TNRC6B: variants seen among roughly 807,000 people sequenced by gnomAD.
TNRC6B encodes the protein trinucleotide repeat containing adaptor 6B.
In TNRC6B, 52 loss-of-function variants were observed where a neutral mutation model predicts 203.6. That is an observed-to-expected ratio of 0.26 (90% confidence interval 0.20 to 0.32). The LOEUF (loss-of-function observed/expected upper bound fraction) is 0.32. Among genes scored for constraint, TNRC6B ranks in the 10% least tolerant of loss-of-function variants. TNRC6B has a pLI of 1.00. For missense variants in TNRC6B, 1,923 were observed against 2,286.2 expected (o/e 0.84, Z 3.24); for synonymous variants, 838 against 845.7 (o/e 0.99, Z 0.16).
chr22:40,120,949 A>G (rs2068438720), intron 2 of TNRC6B, among the ~76,000 whole-genome samples: 1 of 152,190 alleles, frequency 6.6e-6, no homozygotes, highest in Non-Finnish European at 1.5e-5. Context: ...CCCAAGGGAA[A>G]AGGGAGAGAA....
chr22:40,308,496 G>C lies in TNRC6B; in HGVS notation c.4121-16G>C. On this transcript the variant is annotated splice_polypyrimidine_tract_variant and intron_variant, in intron 15 of 22. Coordinates refer to ENST00000454349, the MANE Select transcript of TNRC6B (RefSeq NM_001162501.2). ...TGATGCTGGAGACTTATAAAATGTG[G>C]TCTTCTCCTTTTTAGGCTTCAGCTC... is the stretch of plus-strand genomic sequence containing the variant. 6.2e-7 allele frequency: 1 copy of C among 1,613,864 alleles called. No homozygotes were observed. The highest frequency in any genetic ancestry group is 8.5e-7 in the Non-Finnish European group (1 of 1,179,808).
chr22:40,292,786 C>T (rs566331261), intron 12 of TNRC6B, among the ~76,000 whole-genome samples: 3 of 152,302 alleles, frequency 2.0e-5, no homozygotes, highest in African/African-American at 7.2e-5. Context: ...AGAAGTTGAG[C>T]ACGGCTGGGA....
intron 12 of TNRC6B, among the ~76,000 whole-genome samples, chr22:40,297,981 C>G (rs1038280594): frequency 6.7e-6 from 1 of 149,526 alleles, no homozygotes; most frequent in East Asian, 2.0e-4. Flanking sequence ...AAAAATTAGC[C>G]GGGCATGGTG....
chr22:40,173,166 C>T (rs1051565356), upstream of TNRC6B, among the ~76,000 whole-genome samples: 6 of 151,860 alleles, frequency 4.0e-5, no homozygotes, highest in East Asian at 3.9e-4. Flanking sequence ...TGGTGATCTC[C>T]GCTCACTGCA....
intron 12 of TNRC6B, among the ~76,000 whole-genome samples, chr22:40,294,553 A>T (rs943714258): frequency 3.9e-5 from 6 of 152,216 alleles, no homozygotes; most frequent in Non-Finnish European, 7.3e-5. Flanking sequence ...AGTGGGCATG[A>T]ATTTATGGGC....
At chr22:40,165,210 G>A (rs1038274506) in intron 4 of TNRC6B, among the ~76,000 whole-genome samples, 2 of 150,852 alleles carry the variant, frequency 1.3e-5, no homozygotes, top group Non-Finnish European at 2.9e-5. Flanking sequence ...AGGGTCTCTC[G>A]CTGTCACCCA....
chr22:40,266,877 A>C lies in TNRC6B; in HGVS notation c.2647A>C (p.Ile883Leu), dbSNP rs372277692. Residue 883 changes from isoleucine (I) to leucine (L), a missense_variant, in exon 5 of 23, where the codon ATT becomes CTT. Ile to Leu is a conservative substitution (Grantham distance 5). Coordinates refer to ENST00000454349, the MANE Select transcript of TNRC6B (RefSeq NM_001162501.2). ...TTGGGAAGAGCCATCCCCACAGTCA[A>C]TTAGTCGGAAAATGGACATTGATGA... Reference protein sequence around the residue: ...SGWEEPSPQSISRKMDIDDGT... With the variant: ...SGWEEPSPQSLSRKMDIDDGT... The C allele has an allele frequency of 8.1e-6, 13 of 1,613,986 alleles. No individual in the cohort carries two copies. The highest frequency in any genetic ancestry group is 1.1e-5 in the Non-Finnish European group (13 of 1,179,882).
Position 40,168,794 on chromosome 22 carries a change from C to T in TNRC6B, c.113+12612C>T, listed in dbSNP as rs185448881. 7.2e-5 allele frequency among the ~76,000 whole-genome samples: 11 copies of T among 152,292 alleles called. No homozygotes were observed. The East Asian group carries it at 1.9e-3, about 27-fold the overall frequency. The stretch of plus-strand genomic sequence containing the variant: ...AACTTGGAAAAGCCTTTGCCTTTCC[C>T]AGGTTCTCTCCGTGGCAAACTCCTA... On this transcript the variant is annotated intron_variant, in intron 4 of 23. Coordinates refer to the TNRC6B transcript ENST00000301923.
At chr22:40,318,313 C>T (rs372669685) in intron 21 of TNRC6B, among the ~76,000 whole-genome samples, 12 of 152,100 alleles carry the variant, frequency 7.9e-5, no homozygotes, top group East Asian at 1.9e-4. Flanking sequence ...TTTGGGAGGC[C>T]GAGGCGGGCA....
chr22:40,131,209 G>C (rs751494350), intron 3 of TNRC6B, among the ~76,000 whole-genome samples: 16 of 152,254 alleles, frequency 1.1e-4, no homozygotes, highest in Non-Finnish European at 2.2e-4. Flanking sequence ...CTGAGCCACT[G>C]TGCCCAGCGC....
At chr22:40,285,550 G>A in intron 11 of TNRC6B, 95 bp from the exon 12 acceptor site, 3 of 1,432,394 alleles carry the variant, frequency 2.1e-6, no homozygotes, top group Non-Finnish European at 2.8e-6. Context: ...AACACAGCCT[G>A]TGATTCTTCT....
At chr22:40,252,292 C>T (rs1431621818) in intron 3 of TNRC6B, among the ~76,000 whole-genome samples, 1 of 152,178 alleles carries the variant, frequency 6.6e-6, no homozygotes, top group Non-Finnish European at 1.5e-5. Context: ...TGCAGGTGAC[C>T]CCAGTACATG....
intron 1 of TNRC6B, among the ~76,000 whole-genome samples, chr22:40,194,214 T>G (rs553891801): frequency 2.0e-5 from 3 of 152,306 alleles, no homozygotes; most frequent in Non-Finnish European, 2.9e-5. Flanking sequence ...AATTTACATC[T>G]TGGAAGGGCT....
chr22:40,218,885 T>C (rs1188641104), intron 1 of TNRC6B, among the ~76,000 whole-genome samples: 1 of 152,204 alleles, frequency 6.6e-6, no homozygotes, highest in Non-Finnish European at 1.5e-5. Flanking sequence ...CAGCCAAGAA[T>C]GTTGGCTTGA....
chr22:40,145,503 A>C (rs567435137), intron 3 of TNRC6B, among the ~76,000 whole-genome samples: 1 of 152,282 alleles, frequency 6.6e-6, no homozygotes, highest in South Asian at 2.1e-4. Flanking sequence ...GGAGATATTT[A>C]TAAAATGGGT....
At chr22:40,146,986 G>A (rs2068700704) in intron 3 of TNRC6B, among the ~76,000 whole-genome samples, 1 of 142,164 alleles carries the variant, frequency 7.0e-6, no homozygotes, top group South Asian at 2.1e-4. Flanking sequence ...GGTGGACATG[G>A]CTACTGTATT....
At chr22:40,108,455 T>C (rs1031005441) in intron 1 of TNRC6B, among the ~76,000 whole-genome samples, 2 of 152,234 alleles carry the variant, frequency 1.3e-5, no homozygotes, top group African/African-American at 4.8e-5. Context: ...TCTTGCTTGC[T>C]TAGACCATTT....
intron 2 of TNRC6B, among the ~76,000 whole-genome samples, chr22:40,117,471 G>A (rs968764392): frequency 6.6e-6 from 1 of 151,988 alleles, no homozygotes; most frequent in African/African-American, 2.4e-5. Context: ...TTCACTTTCT[G>A]AATGATAGAT....
chr22:40,147,366 A>G (rs1035449861), intron 3 of TNRC6B, among the ~76,000 whole-genome samples: 2 of 152,134 alleles, frequency 1.3e-5, no homozygotes, highest in Non-Finnish European at 2.9e-5. Context: ...AATTGTGGAG[A>G]TGGATGGTTG....
Sources: gnomAD v4.1 joint callset for allele counts (sites outside exome capture counted in the v4.1 genomes callset) on GRCh38, gnomAD v4.1.1 for gene constraint, MANE v1.5 for transcripts, NCBI Gene and HGNC (gene_info 2026-07-23, HGNC 2026-07-21) for gene names.